Variants in ZNF333 observed in about 807,000 individuals in gnomAD.
ZNF333 encodes zinc finger protein 333.
In ZNF333, 61 loss-of-function variants were observed where a neutral mutation model predicts 76.1. That is an observed-to-expected ratio of 0.80 (90% CI 0.65 to 0.99). ZNF333 has a LOEUF of 0.99. Ranked by LOEUF, ZNF333 falls within the 50% of genes least tolerant of loss-of-function variation. The pLI, the probability that ZNF333 is intolerant of heterozygous loss-of-function variation, is 0.00. For missense variants in ZNF333, 717 were observed against 822.4 expected (o/e 0.87, Z 1.57); for synonymous variants, 284 against 305.0 (o/e 0.93, Z 0.72).
intron 2 of ZNF333, among the ~76,000 whole-genome samples, chr19:14,694,468 CTCA>C (rs1179606820): frequency 7.7e-6 from 1 of 130,104 alleles, no homozygotes; most frequent in African/African-American, 3.2e-5. Flanking sequence ...GCAAGACTGT[CTCA>C]AAAAAAAAAA....
rs1193826798 is a variant in ZNF333 at position 14,729,535 on chromosome 19, T to C, written c.901-1640T>C. ...CACCATGCCTGGCTAATATTTTTTG[T>C]AGAGTTAGGGTTTCTCCATTTTGCC... On this transcript the variant is annotated intron_variant, in intron 11 of 11. Transcript: ENST00000540689. Among the ~76,000 whole-genome samples, 13 of 152,172 alleles carry C rather than the reference T, an allele frequency of 8.5e-5. No individual in the cohort carries two copies. The East Asian group carries it at 2.3e-3, about 27-fold the overall frequency.
chr19:14,699,566 T>C (rs1285984734), intron 5 of ZNF333, among the ~76,000 whole-genome samples: 12 of 151,866 alleles, frequency 7.9e-5, no homozygotes, highest in Admixed American at 2.6e-4. Context: ...GATCGAGTGA[T>C]TTTCCTGCTT....
chr19:14,722,702 A>G (rs2042604262), downstream of ZNF333, among the ~76,000 whole-genome samples: 1 of 152,062 alleles, frequency 6.6e-6, no homozygotes, highest in African/African-American at 2.4e-5. Context: ...CTTACCCCCT[A>G]TGTTTTCTTC....
At position 14,719,602 on chromosome 19, in the gene ZNF333, A is replaced by G. The variant is rs2042544796; in HGVS notation, c.*277A>G. 4 of 1,154,758 alleles carry G rather than the reference A, an allele frequency of 3.5e-6. No individual in the cohort carries two copies. The highest frequency in any genetic ancestry group is 4.3e-6 in the Non-Finnish European group (4 of 925,660). 71.5% of individuals were successfully genotyped at this position (1,154,758 alleles called of 1,614,324 possible). A position where few individuals can be genotyped will look rare whatever the true frequency, so the allele number is the denominator to read the frequency against. ...TTGGATGAGTTTGACAGATGCATAC[A>G]TGCATGTAACCACCACCCCATTCCA... is the stretch of plus-strand genomic sequence containing the variant. On this transcript the variant is annotated 3_prime_UTR_variant, in exon 12 of 12. Transcript: ENST00000292530.
chr19:14,695,715 C>T (rs1043252269), intron 4 of ZNF333, 54 bp downstream of exon 4: 2 of 1,526,440 alleles, frequency 1.3e-6, no homozygotes, highest in South Asian at 1.1e-5. Flanking sequence ...GGTGGTGTGC[C>T]TTGGGAAGTG....
At chr19:14,698,373 CA>C (rs35567352) in intron 4 of ZNF333, among the ~76,000 whole-genome samples, 35,061 of 67,582 alleles carry the variant, frequency 0.52, 7,040 homozygotes, top group South Asian at 0.72. Context: ...GACTCCGTCT[CA>C]AAAAAAAAAA....
chr19:14,716,091 C>G (rs370184909), intron 8 of ZNF333, 21 bp from the exon 9 acceptor site: 1 of 1,613,464 alleles, frequency 6.2e-7, no homozygotes, highest in Non-Finnish European at 8.5e-7. Flanking sequence ...CTGGCTGAGC[C>G]GGGATGGATG....
intron 1 of ZNF333, among the ~76,000 whole-genome samples, chr19:14,692,410 G>A (rs1170747055): frequency 1.3e-5 from 2 of 152,192 alleles, no homozygotes; most frequent in Non-Finnish European, 2.9e-5. Context: ...GCTGAGAACA[G>A]GTAGAGAAAG....
rs1173650801 is a variant in ZNF333, at chr19:14,695,102, G to T, written c.96G>T (p.Met32Ile). ...GGAGGAGCCTGTGCAAATACAGGAT[G>T]CTTGACCAGTGCAGGACCCTGGCCT... ...SARRSLCKYR[M>I]LDQCRTLASR... is the part of the protein sequence containing the mutation. The change falls in exon 3 of 12, where the codon ATG becomes ATT. Residue 32 changes from methionine to isoleucine, a missense_variant. Met to Ile is a conservative substitution (Grantham distance 10). Coordinates refer to ENST00000292530, the MANE Select transcript of ZNF333 (RefSeq NM_032433.4). The T allele has an allele frequency of 6.2e-7, 1 of 1,614,096 alleles. No homozygotes were observed. The highest frequency in any genetic ancestry group is 1.1e-5 in the South Asian group (1 of 91,086).
intron 5 of ZNF333, chr19:14,701,928 C>G (rs1385911729): frequency 2.0e-6 from 2 of 983,128 alleles, no homozygotes; most frequent in Non-Finnish European, 1.2e-6. Context: ...TGAACCCAGA[C>G]CTAACCGCAG....
intron 1 of ZNF333, among the ~76,000 whole-genome samples, chr19:14,691,688 T>C (rs1972787789): frequency 6.7e-6 from 1 of 149,628 alleles, no homozygotes; most frequent in Non-Finnish European, 1.5e-5. Context: ...TTTTTTTTTT[T>C]TTTTTTGAGA....
At position 14,705,083 on chromosome 19, in the gene ZNF333, G is replaced by C. The variant is rs371300193; in HGVS notation, c.336G>C (p.Leu112=). The change falls in exon 6 of 12, where the codon CTG becomes CTC. Residue 112 remains leucine, a synonymous_variant. Coordinates refer to ENST00000292530, the MANE Select transcript of ZNF333 (RefSeq NM_032433.4). The part of the protein sequence containing the change: ...MGPGLFLRMQ[L]VPSIEERETP... ...CGGGGCTGTTCCTGAGGATGCAGCTGGTGCCCTCCATAGAAGAGAGGGAGA... is the reference window on the plus strand; with the variant it reads ...CGGGGCTGTTCCTGAGGATGCAGCTCGTGCCCTCCATAGAAGAGAGGGAGA... The C allele has an allele frequency of 5.0e-6, 8 of 1,613,874 alleles. No individual in the cohort carries two copies. The highest frequency in any genetic ancestry group is 1.7e-5 in the Admixed American group (1 of 59,994).
At chr19:14,729,981 A>G (rs1428834877) in intron 11 of ZNF333, among the ~76,000 whole-genome samples, 1 of 152,232 alleles carries the variant, frequency 6.6e-6, no homozygotes, top group African/African-American at 2.4e-5. Context: ...CTTGAGAGAA[A>G]GATTTTGGCT....
intron 7 of ZNF333, chr19:14,707,022 A>G (rs1432768504): frequency 2.3e-6 from 1 of 442,868 alleles, no homozygotes. Flanking sequence ...TTTGGGCAAC[A>G]TGAAATTCTT....
intron 5 of ZNF333, among the ~76,000 whole-genome samples, chr19:14,699,956 C>T (rs1190831323): frequency 6.6e-6 from 1 of 152,044 alleles, no homozygotes; most frequent in African/African-American, 2.4e-5. Context: ...GTGGGGAGGA[C>T]CCCTGGGCAC....
At chr19:14,731,586 T>G (rs1215210575) in exon 12 of ZNF333, 3 of 174,546 alleles carry the variant, frequency 1.7e-5, no homozygotes, top group African/African-American at 4.7e-5. Flanking sequence ...CTCCTTTGTC[T>G]GCTGTCTTTG....
At chr19:14,715,806 A>G (rs1599746096) in intron 8 of ZNF333, among the ~76,000 whole-genome samples, 1 of 152,160 alleles carries the variant, frequency 6.6e-6, no homozygotes, top group Non-Finnish European at 1.5e-5. Flanking sequence ...TGGACCCTGG[A>G]GCTAGAAGGG....
At chr19:14,709,947 C>T (rs546899023) in intron 7 of ZNF333, among the ~76,000 whole-genome samples, 1 of 152,324 alleles carries the variant, frequency 6.6e-6, no homozygotes, top group South Asian at 2.1e-4. Context: ...AATACTATAA[C>T]ATTTAGCTTG....
intron 10 of ZNF333, 103 bp from the exon 11 acceptor site, chr19:14,717,554 T>C (rs113799168): frequency 0.042 from 40,564 of 957,782 alleles, 1,028 homozygotes; most frequent in Middle Eastern, 0.061. Flanking sequence ...GACCAGTATT[T>C]GGGAAAAAAA....
Sources: allele counts gnomAD v4.1 joint callset (sites outside exome capture counted in the v4.1 genomes callset), GRCh38; gene constraint gnomAD v4.1.1; transcripts MANE v1.5; gene names NCBI Gene and HGNC (gene_info 2026-07-23, HGNC 2026-07-21).